PCBP2: variants seen among roughly 807,000 people sequenced by gnomAD.
PCBP2 encodes poly(rC)-binding protein 2.
Under a neutral mutation model 50.1 loss-of-function variants are expected in PCBP2, and 4 were observed. That is an observed-to-expected ratio of 0.08 (90% CI 0.04 to 0.18). The LOEUF is 0.18. Among genes scored for constraint, PCBP2 ranks in the 10% least tolerant of loss-of-function variants. PCBP2 has a pLI of 1.00. For missense variants in PCBP2, 161 were observed against 474.3 expected (o/e 0.34, Z 6.14); for synonymous variants, 179 against 168.0 (o/e 1.07, Z -0.51).
rs1380718130 is a variant in PCBP2 at position 53,480,229 on chromosome 12, TA to T, written c.*790del. The T allele has an allele frequency of 2.0e-5, 3 of 152,220 alleles. No homozygotes were observed. The highest frequency in any genetic ancestry group is 4.4e-5 in the Non-Finnish European group (3 of 68,042). 9.4% of individuals were successfully genotyped at this position (152,220 alleles called of 1,614,324 possible). A position where few individuals can be genotyped will look rare whatever the true frequency, so the allele number is the denominator to read the frequency against. On this transcript the variant is annotated 3_prime_UTR_variant, in exon 15 of 15. Transcript: ENST00000546463. ...TCCCCTTGTTCAGGCTTGCATATTTTAAACTAAAAATTTCAGTCTATTGTTT... is the reference window on the plus strand; with the variant it reads ...TCCCCTTGTTCAGGCTTGCATATTTTAACTAAAAATTTCAGTCTATTGTTT...
chr12:53,462,632 A>C, intron 8 of PCBP2, 65 bp downstream of exon 8: 1 of 1,355,008 alleles, frequency 7.4e-7, no homozygotes, highest in Non-Finnish European at 1.0e-6. Context: ...CAACTTTGCC[A>C]GCATCACACC....
chr12:53,477,453 C>T (rs1942670363), intron 14 of PCBP2, among the ~76,000 whole-genome samples: 1 of 151,898 alleles, frequency 6.6e-6, no homozygotes, highest in Non-Finnish European at 1.5e-5. Context: ...ATCACGAGGT[C>T]AGGAGATCAA....
At chr12:53,454,566 T>A in intron 1 of PCBP2, 160 bp from the exon 2 acceptor site, 1 of 528,548 alleles carries the variant, frequency 1.9e-6, no homozygotes, top group Non-Finnish European at 3.4e-6. Context: ...ACCTGAGCTG[T>A]ATATTTTGTC....
In PCBP2 at chr12:53,478,466, C is replaced by T. The variant is rs541292239; in HGVS notation, c.1053-940C>T. Among the ~76,000 whole-genome samples, 37 of 151,858 alleles carry T rather than the reference C, an allele frequency of 2.4e-4. 1 individual carries two copies. The highest frequency in any genetic ancestry group is 2.2e-3 in the Admixed American group (34 of 15,248). On this transcript the variant is annotated intron_variant, in intron 14 of 14. Coordinates refer to ENST00000546463, the MANE Select transcript of PCBP2 (RefSeq NM_031989.5). ...GGGGTTGCAGTGAGTTGAGATTGCG[C>T]CATTGCACTCCAGCCTGGGTGAAAC...
intron 8 of PCBP2, among the ~76,000 whole-genome samples, chr12:53,463,376 G>T (rs1453186067): frequency 6.6e-6 from 1 of 152,072 alleles, no homozygotes; most frequent in Non-Finnish European, 1.5e-5. Flanking sequence ...AATACAGTTG[G>T]CCCTTTGTGG....
chr12:53,453,369 A>T (rs1437973915), intron 1 of PCBP2: 2 of 152,170 alleles, frequency 1.3e-5, no homozygotes, highest in Admixed American at 1.3e-4. Context: ...TTCCCCCACC[A>T]AGCACTATTT....
At chr12:53,468,612 CT>C (rs1941982020) in intron 12 of PCBP2, 164 bp from the exon 13 acceptor site, 1 of 626,496 alleles carries the variant, frequency 1.6e-6, no homozygotes, top group Non-Finnish European at 2.9e-6. Context: ...TTTCTACACC[CT>C]TCTCCCCCAC....
At chr12:53,456,689 ATT>A (rs1423563840) in intron 5 of PCBP2, among the ~76,000 whole-genome samples, 1 of 152,208 alleles carries the variant, frequency 6.6e-6, no homozygotes, top group Non-Finnish European at 1.5e-5. Context: ...TCAAAATTAC[ATT>A]TGTTGGGGAG....
chr12:53,476,295 T>C (rs777125341), intron 14 of PCBP2, among the ~76,000 whole-genome samples: 2 of 152,190 alleles, frequency 1.3e-5, no homozygotes, highest in Non-Finnish European at 2.9e-5. Flanking sequence ...GATCAACTAA[T>C]CTGTAACACA....
At chr12:53,474,451 T>A (rs1942442550) in intron 14 of PCBP2, among the ~76,000 whole-genome samples, 1 of 152,232 alleles carries the variant, frequency 6.6e-6, no homozygotes. Context: ...TCACAAGTAA[T>A]TGTGGGATAA....
intron 13 of PCBP2, among the ~76,000 whole-genome samples, chr12:53,470,114 G>A (rs1942106249): frequency 6.6e-6 from 1 of 152,006 alleles, no homozygotes; most frequent in African/African-American, 2.4e-5. Flanking sequence ...GCCAGGTGCA[G>A]TGGCTCATGC....
intron 5 of PCBP2, among the ~76,000 whole-genome samples, chr12:53,456,711 T>A (rs189981934): frequency 3.9e-5 from 6 of 152,224 alleles, no homozygotes; most frequent in Non-Finnish European, 7.3e-5. Flanking sequence ...GAGACCTAGG[T>A]TATCAGAAGG....
At chr12:53,460,222 C>T (rs1565860773) in intron 6 of PCBP2, 1 of 214,560 alleles carries the variant, frequency 4.7e-6, no homozygotes, top group African/African-American at 2.4e-5. Context: ...TTACTGCAAC[C>T]TCGACTTCTG....
rs1592631940 is a variant in PCBP2, at chr12:53,454,894, G to A, written c.69+25G>A. On this transcript the variant is annotated intron_variant, in intron 2 of 14. Coordinates refer to ENST00000546463, the MANE Select transcript of PCBP2 (RefSeq NM_031989.5). ...GGTATGCTCTAGCTTGGGAAATGGG[G>A]TCATAGTAACTGCTAGGGGAGGGGC... is the stretch of plus-strand genomic sequence containing the variant. 4.4e-6 allele frequency: 7 copies of A among 1,600,810 alleles called. No individual in the cohort carries two copies. In the East Asian group the frequency reaches 1.3e-4, roughly 31 times the overall value.
intron 14 of PCBP2, among the ~76,000 whole-genome samples, chr12:53,478,208 CTT>C (rs1313712256): frequency 6.6e-6 from 1 of 152,122 alleles, no homozygotes; most frequent in African/African-American, 2.4e-5. Context: ...GTCCTGAAAA[CTT>C]TTTAAAGAAC....
intron 6 of PCBP2, chr12:53,459,758 T>C (rs1228641289): frequency 9.3e-6 from 3 of 323,900 alleles, no homozygotes; most frequent in Admixed American, 8.2e-5. Context: ...AATTTTTAAC[T>C]TTTTTTCTTT....
intron 12 of PCBP2, chr12:53,468,145 T>A (rs1565867811): frequency 3.4e-6 from 1 of 297,782 alleles, no homozygotes; most frequent in East Asian, 5.6e-5. Context: ...TGATGGGATT[T>A]TTTTTTCTTT....
chr12:53,454,745 A>G lies in PCBP2; in HGVS notation c.-56A>G. On this transcript the variant is annotated 5_prime_UTR_variant, in exon 2 of 15. Coordinates refer to ENST00000546463, the MANE Select transcript of PCBP2 (RefSeq NM_031989.5). ...TTTTAGTTTTTGGCTTTCACCCCCA[A>G]CCAGTGACCAAAGACTTGACCACTC... 2.0e-6 allele frequency: 3 copies of G among 1,480,834 alleles called. No individual in the cohort carries two copies. The highest frequency in any genetic ancestry group is 2.3e-5 in the East Asian group (1 of 44,252). The allele number at this position is 1,480,834 out of a possible 1,614,324, so 91.7% of individuals were successfully genotyped here. A position where few individuals can be genotyped will look rare whatever the true frequency, so the allele number is the denominator to read the frequency against.
chr12:53,465,017 G>A, intron 9 of PCBP2, 165 bp downstream of exon 9: 9 of 795,192 alleles, frequency 1.1e-5, no homozygotes, highest in East Asian at 3.4e-5. Context: ...CCCAGGCCGC[G>A]TAGCCCACCA....
Sources: allele counts gnomAD v4.1 joint callset (sites outside exome capture counted in the v4.1 genomes callset), GRCh38; gene constraint gnomAD v4.1.1; transcripts MANE v1.5; gene names NCBI Gene and HGNC (gene_info 2026-07-23, HGNC 2026-07-21).